Variants in SHANK2 observed in about 807,000 individuals in gnomAD.
SHANK2 encodes the protein SH3 and multiple ankyrin repeat domains protein 2.
SHANK2 carries 43 observed loss-of-function variants against 133.7 expected under a neutral mutation model. The observed-to-expected ratio is 0.32, with a 90% CI of 0.25 to 0.41. SHANK2 has a LOEUF of 0.41. Among genes scored for constraint, SHANK2 ranks in the 10% least tolerant of loss-of-function variants. The pLI is 1.00. For synonymous variants in SHANK2, 1,017 were observed against 952.8 expected, an observed-to-expected ratio of 1.07 and a Z score of -1.24; for missense variants, 1,994 against 2,235.8, an observed-to-expected ratio of 0.89 and a Z score of 2.18.
chr11:70,759,167 A>C (rs1337957588), intron 14 of SHANK2, among the ~76,000 whole-genome samples: 5 of 144,476 alleles, frequency 3.5e-5, no homozygotes, highest in Non-Finnish European at 7.6e-5. Flanking sequence ...TCCATCACAA[A>C]ACCAAACCAA....
intron 11 of SHANK2, among the ~76,000 whole-genome samples, chr11:70,887,711 G>A (rs1398840964): frequency 6.6e-6 from 1 of 152,136 alleles, no homozygotes; most frequent in Non-Finnish European, 1.5e-5. Context: ...ACATCCCATT[G>A]ACCAGGCTGT....
At chr11:71,086,527 T>C (rs1359413998) in intron 8 of SHANK2, among the ~76,000 whole-genome samples, 2 of 140,994 alleles carry the variant, frequency 1.4e-5, no homozygotes, top group African/African-American at 5.2e-5. Flanking sequence ...ATATATAATA[T>C]AAATATATAT....
chr11:70,553,181 C>T (rs1422713595), intron 17 of SHANK2, among the ~76,000 whole-genome samples: 3 of 151,994 alleles, frequency 2.0e-5, no homozygotes, highest in Non-Finnish European at 1.5e-5. Context: ...CAGTCTCTGT[C>T]TCCCAGGTTC....
intron 3 of SHANK2, among the ~76,000 whole-genome samples, chr11:71,134,795 A>G (rs1952406567): frequency 6.6e-6 from 1 of 152,134 alleles, no homozygotes; most frequent in Admixed American, 6.5e-5. Context: ...TGGCTTTGTC[A>G]TAGGGAAGCG....
At chr11:70,782,680 A>C (rs75689885) in intron 14 of SHANK2, among the ~76,000 whole-genome samples, 5,235 of 152,296 alleles carry the variant, frequency 0.034, 121 homozygotes, top group Middle Eastern at 0.082. Flanking sequence ...ATCAATACGA[A>C]ACAGACAAGC....
At chr11:71,058,961 T>A (rs919229612) in intron 9 of SHANK2, among the ~76,000 whole-genome samples, 6 of 152,222 alleles carry the variant, frequency 3.9e-5, no homozygotes, top group Non-Finnish European at 5.9e-5. Context: ...ACGTCTGTAA[T>A]CCCAGCACTT....
Position 70,548,218 on chromosome 11 carries a change from G to A in SHANK2, c.2062-45287C>T, listed in dbSNP as rs564495336. On this transcript the variant is annotated intron_variant, in intron 17 of 25. Coordinates refer to ENST00000601538, the MANE Select transcript of SHANK2 (RefSeq NM_012309.5). ...CAGGCGGCTGCTCTCCCCACTCAGC[G>A]GCCCGCTGCCTGAAATAGATGCTTC... is the stretch of plus-strand genomic sequence containing the variant. 2.6e-5 allele frequency among the ~76,000 whole-genome samples: 4 copies of A among 152,360 alleles called. No homozygotes were observed. In the South Asian group the frequency reaches 6.2e-4, roughly 24 times the overall value.
intron 1 of SHANK2, among the ~76,000 whole-genome samples, chr11:71,238,976 CACAGAG>C (rs1222845018): frequency 2.0e-5 from 3 of 152,196 alleles, no homozygotes; most frequent in Non-Finnish European, 4.4e-5. Flanking sequence ...AAGAAAAAGA[CACAGAG>C]ACAAAGTATA....
intron 17 of SHANK2, among the ~76,000 whole-genome samples, chr11:70,563,682 G>A (rs1346328059): frequency 1.3e-5 from 2 of 151,928 alleles, no homozygotes; most frequent in South Asian, 2.1e-4. Flanking sequence ...GGCATTACAG[G>A]TGCATGCCAC....
At chr11:70,861,619 C>T (rs1472089419) in intron 11 of SHANK2, among the ~76,000 whole-genome samples, 1 of 152,096 alleles carries the variant, frequency 6.6e-6, no homozygotes, top group Non-Finnish European at 1.5e-5. Context: ...CTGAGTTGGC[C>T]TCCTCTACGA....
At chr11:70,822,629 G>T (rs1421450611) in intron 11 of SHANK2, among the ~76,000 whole-genome samples, 2 of 148,878 alleles carry the variant, frequency 1.3e-5, no homozygotes, top group Non-Finnish European at 3.0e-5. Flanking sequence ...GGGGACAGAG[G>T]TGGCACTGGC....
chr11:71,222,099 A>G (rs1436400950), intron 2 of SHANK2, among the ~76,000 whole-genome samples: 2 of 151,918 alleles, frequency 1.3e-5, no homozygotes, highest in Non-Finnish European at 2.9e-5. Flanking sequence ...TTCCCAGATC[A>G]TCGACATCCC....
intron 2 of SHANK2, among the ~76,000 whole-genome samples, chr11:71,209,637 G>T (rs797039641): frequency 2.9e-4 from 44 of 152,294 alleles, no homozygotes; most frequent in African/African-American, 1.1e-3. Flanking sequence ...ATCCCTTGTG[G>T]CAGAACACAC....
chr11:70,937,018 C>T (rs551343663), intron 10 of SHANK2, among the ~76,000 whole-genome samples: 5 of 152,252 alleles, frequency 3.3e-5, no homozygotes, highest in African/African-American at 1.2e-4. Flanking sequence ...TGTTAGCTGT[C>T]GCTTTTAAGT....
chr11:70,537,346 T>C (rs545108927), intron 17 of SHANK2, among the ~76,000 whole-genome samples: 2 of 152,358 alleles, frequency 1.3e-5, no homozygotes, highest in Admixed American at 6.5e-5. Flanking sequence ...TCTTTGCAAA[T>C]GTAATTATGT....
chr11:70,672,565 C>A (rs1354082528), intron 15 of SHANK2, among the ~76,000 whole-genome samples: 1 of 152,246 alleles, frequency 6.6e-6, no homozygotes. Flanking sequence ...CAGGTCTCCC[C>A]GAGCCAGGCT....
rs115684639 is a variant in SHANK2 at position 70,621,115 on chromosome 11, G to C, written c.2061+38713C>G. The stretch of plus-strand genomic sequence containing the variant: ...GCTCAGGCACCAAGGCACCGGGATC[G>C]GGCAGGGTGTGATCCCGACTTCACC... On this transcript the variant is annotated intron_variant, in intron 17 of 25. Coordinates refer to ENST00000601538, the MANE Select transcript of SHANK2 (RefSeq NM_012309.5). Among the ~76,000 whole-genome samples, 700 of 152,298 alleles carry C rather than the reference G, an allele frequency of 4.6e-3. 4 individuals carry two copies. Among genetic ancestry groups the C allele is most frequent in the African/African-American group, 0.016 (668 of 41,566 alleles).
intron 2 of SHANK2, among the ~76,000 whole-genome samples, chr11:71,210,890 C>T (rs1011115582): frequency 3.3e-5 from 5 of 152,158 alleles, no homozygotes; most frequent in South Asian, 2.1e-4. Context: ...GATGCAGCGC[C>T]GGCACTCCCC....
chr11:71,090,657 G>C (rs1951498996), intron 8 of SHANK2, among the ~76,000 whole-genome samples: 1 of 151,152 alleles, frequency 6.6e-6, no homozygotes, highest in Admixed American at 6.6e-5. Flanking sequence ...GTGTGTGTGT[G>C]TGTCTGTGTA....
Sources: allele counts gnomAD v4.1 joint callset (sites outside exome capture counted in the v4.1 genomes callset), GRCh38; gene constraint gnomAD v4.1.1; transcripts MANE v1.5; gene names NCBI Gene and HGNC (gene_info 2026-07-23, HGNC 2026-07-21).